DPYSL3: variants seen among roughly 807,000 people sequenced by gnomAD.
DPYSL3 encodes dihydropyrimidinase-related protein 3.
DPYSL3 carries 16 observed loss-of-function variants against 66.1 expected under a neutral mutation model. That is an observed-to-expected ratio of 0.24 (90% confidence interval 0.16 to 0.37). The LOEUF (loss-of-function observed/expected upper bound fraction) is 0.37. DPYSL3 is among the 10% of genes least tolerant of loss of function. The pLI is 1.00. For missense variants in DPYSL3, 738 were observed against 916.2 expected (o/e 0.81, Z 2.51); for synonymous variants, 338 against 345.1 (o/e 0.98, Z 0.23).
intron 1 of DPYSL3, among the ~76,000 whole-genome samples, chr5:147,508,764 C>G (rs932466817): frequency 3.3e-5 from 5 of 152,208 alleles, no homozygotes; most frequent in Non-Finnish European, 7.3e-5. Flanking sequence ...TTAATACTCT[C>G]GTCTATTTTC....
At chr5:147,443,816 A>C (rs959027830) in intron 1 of DPYSL3, among the ~76,000 whole-genome samples, 6 of 152,172 alleles carry the variant, frequency 3.9e-5, no homozygotes, top group African/African-American at 1.4e-4. Flanking sequence ...CAATGCAAAG[A>C]TGCTGAGAGT....
At chr5:147,466,855 C>A (rs745562255) in intron 1 of DPYSL3, among the ~76,000 whole-genome samples, 1 of 152,062 alleles carries the variant, frequency 6.6e-6, no homozygotes, top group African/African-American at 2.4e-5. Flanking sequence ...CTCCGTTTTG[C>A]GGGGGAAAGT....
intron 10 of DPYSL3, 69 bp from the exon 11 acceptor site, chr5:147,399,321 C>A: frequency 1.3e-6 from 2 of 1,491,828 alleles, no homozygotes; most frequent in Non-Finnish European, 1.8e-6. Flanking sequence ...CTTCTGAACT[C>A]AGAGAAAGAC....
At chr5:147,484,748 T>C (rs767081939) in intron 1 of DPYSL3, among the ~76,000 whole-genome samples, 7 of 152,174 alleles carry the variant, frequency 4.6e-5, no homozygotes, top group Non-Finnish European at 7.3e-5. Context: ...ATCTCCACCA[T>C]GTCACACAAG....
At chr5:147,496,031 G>A (rs1753501984) in intron 1 of DPYSL3, among the ~76,000 whole-genome samples, 1 of 152,190 alleles carries the variant, frequency 6.6e-6, no homozygotes, top group Non-Finnish European at 1.5e-5. Context: ...AAATAGCATG[G>A]TACTGGTACC....
chr5:147,427,617 C>A (rs1752221241), intron 1 of DPYSL3, among the ~76,000 whole-genome samples: 1 of 152,048 alleles, frequency 6.6e-6, no homozygotes, highest in Non-Finnish European at 1.5e-5. Context: ...ATACATATTC[C>A]CAGGCTGTGC....
Position 147,464,088 on chromosome 5 carries a change from C to A in DPYSL3, c.382-39125G>T, listed in dbSNP as rs115098327. Among the ~76,000 whole-genome samples the A allele has an allele frequency of 6.4e-3, 978 of 152,212 alleles. 11 individuals are homozygous for A. Among genetic ancestry groups the A allele is most frequent in the African/African-American group, 0.022 (932 of 41,520 alleles). ...CAGGATCCACAGTTATATCAAATAC[C>A]ATTTTAACCAGAAGCTACCATCCTG... On this transcript the variant is annotated intron_variant, in intron 1 of 13. Transcript: ENST00000343218.
intron 1 of DPYSL3, among the ~76,000 whole-genome samples, chr5:147,464,487 C>T (rs970279280): frequency 6.6e-6 from 1 of 152,142 alleles, no homozygotes; most frequent in Admixed American, 6.5e-5. Context: ...AGTCTGTAAA[C>T]AAGCAAGGAG....
chr5:147,407,085 G>A (rs1451321850), intron 7 of DPYSL3, among the ~76,000 whole-genome samples: 1 of 152,162 alleles, frequency 6.6e-6, no homozygotes, highest in Admixed American at 6.5e-5. Context: ...TTGAGGTGGT[G>A]TCTGGGTATG....
chr5:147,464,741 G>A (rs569533954), intron 1 of DPYSL3, among the ~76,000 whole-genome samples: 1 of 152,288 alleles, frequency 6.6e-6, no homozygotes, highest in Admixed American at 6.5e-5. Flanking sequence ...ATCTGGACCA[G>A]TGAAGGTACT....
In DPYSL3 at chr5:147,400,672, C is replaced by G. The variant is rs2152016874; in HGVS notation, c.1452+20G>C. ...GGATGTTTTGGCTCTGGCCACCCTC[C>G]CATGACCTCCATGCCTTACCACAGC... On this transcript the variant is annotated intron_variant, in intron 10 of 13. Coordinates refer to ENST00000343218, the MANE Select transcript of DPYSL3 (RefSeq NM_001197294.2). 6.2e-7 allele frequency: 1 copy of G among 1,612,370 alleles called. No individual in the cohort carries two copies. The highest frequency in any genetic ancestry group is 1.1e-5 in the South Asian group (1 of 90,688).
rs1757843608 is a variant in DPYSL3, at chr5:147,392,595, A to G, written c.*1440T>C. On this transcript the variant is annotated 3_prime_UTR_variant, in exon 14 of 14. Transcript: ENST00000343218. ...GGTTCTATAGATTCTTATCTTGCTC[A>G]CAGGACTTGCTCCAAAACTGAATTT... The G allele has an allele frequency of 6.6e-6, 1 of 152,224 alleles. No homozygotes were observed. Among genetic ancestry groups the G allele is most frequent in the African/African-American group, 2.4e-5 (1 of 41,456 alleles). 9.4% of individuals were successfully genotyped at this position (152,224 alleles called of 1,614,324 possible).
chr5:147,415,318 C>T (rs1751941247), intron 4 of DPYSL3, among the ~76,000 whole-genome samples: 1 of 152,100 alleles, frequency 6.6e-6, no homozygotes, highest in African/African-American at 2.4e-5. Flanking sequence ...AATCCCTAAT[C>T]TCATAGGTCA....
intron 1 of DPYSL3, among the ~76,000 whole-genome samples, chr5:147,488,891 G>A (rs192636309): frequency 6.6e-5 from 10 of 151,698 alleles, no homozygotes; most frequent in South Asian, 2.1e-4. Context: ...GGTAGGCACC[G>A]ATAATCCCAG....
At chr5:147,464,475 A>T (rs764124195) in intron 1 of DPYSL3, among the ~76,000 whole-genome samples, 3 of 152,204 alleles carry the variant, frequency 2.0e-5, no homozygotes, top group Non-Finnish European at 2.9e-5. Flanking sequence ...TCATGGGCCC[A>T]GAGTCTGTAA....
intron 1 of DPYSL3, among the ~76,000 whole-genome samples, chr5:147,481,140 T>G (rs796094787): frequency 5.9e-5 from 9 of 152,340 alleles, no homozygotes; most frequent in African/African-American, 2.2e-4. Context: ...GGTGTAACTT[T>G]TGGGATTAAA....
intron 1 of DPYSL3, among the ~76,000 whole-genome samples, chr5:147,494,375 A>T (rs1271455784): frequency 1.3e-5 from 2 of 152,102 alleles, no homozygotes; most frequent in African/African-American, 2.4e-5. Flanking sequence ...AGATAAATAC[A>T]TTTCTTTTCT....
intron 1 of DPYSL3, among the ~76,000 whole-genome samples, chr5:147,506,981 A>G (rs1406118246): frequency 2.0e-5 from 3 of 152,232 alleles, no homozygotes; most frequent in African/African-American, 7.2e-5. Context: ...GTGAGCACAC[A>G]TCATGTTCAT....
rs377746424 is a variant in DPYSL3 at position 147,509,419 on chromosome 5, C to A, written c.381+59G>T. 7.6e-6 allele frequency: 11 copies of A among 1,445,146 alleles called. No homozygotes were observed. In the East Asian group the frequency reaches 1.0e-4, roughly 13 times the overall value. The allele number at this position is 1,445,146 out of a possible 1,614,324, so 89.5% of individuals were successfully genotyped here. ...GGAGAAAGTTGTGCCCGGGCCATGG[C>A]GGCCAGGGCTGGAGAAAGGAACGAA... On this transcript the variant is annotated intron_variant, in intron 1 of 13. Transcript: ENST00000343218. This position sits in a 1 kb window ranked among gnomAD's most constrained non-coding sequence, Gnocchi z 5.3.
Sources: gnomAD v4.1 joint callset for allele counts (sites outside exome capture counted in the v4.1 genomes callset) on GRCh38, gnomAD v4.1.1 for gene constraint, Gnocchi (gnomAD v3.1) non-coding constraint, MANE v1.5 for transcripts, NCBI Gene and HGNC (gene_info 2026-07-23, HGNC 2026-07-21) for gene names.